CDH13: variants seen among roughly 807,000 people sequenced by gnomAD.
CDH13 encodes cadherin-13.
CDH13 carries 24 observed loss-of-function variants against 63.8 expected under a neutral mutation model. The observed-to-expected ratio is 0.38, with a 90% CI of 0.27 to 0.53. The LOEUF (loss-of-function observed/expected upper bound fraction) is 0.53, where lower values mean the gene tolerates loss of function less well. Ranked by LOEUF, CDH13 falls within the 20% of genes least tolerant of loss-of-function variation. The probability of loss-of-function intolerance (pLI) is 0.85; values close to 1 mark genes in which losing one functional copy is unlikely to be tolerated. For missense variants in CDH13, 1,049 were observed against 903.1 expected, an observed-to-expected ratio of 1.16 and a Z score of -2.07; for synonymous variants, 503 against 355.3, an observed-to-expected ratio of 1.42 and a Z score of -4.67.
chr16:83,737,532 C>T (rs529223581), intron 10 of CDH13, among the ~76,000 whole-genome samples: 32 of 151,918 alleles, frequency 2.1e-4, no homozygotes, highest in Admixed American at 5.2e-4. Context: ...GAAATATTGC[C>T]ATCCTGTAAA....
intron 1 of CDH13, among the ~76,000 whole-genome samples, chr16:82,800,571 C>G (rs925095775): frequency 3.9e-5 from 6 of 152,166 alleles, no homozygotes; most frequent in African/African-American, 1.4e-4. Context: ...GGGCTCATAA[C>G]CCATAAAAGT....
At chr16:83,784,578 G>C (rs1233909160) in intron 13 of CDH13, among the ~76,000 whole-genome samples, 1 of 146,768 alleles carries the variant, frequency 6.8e-6, no homozygotes, top group Non-Finnish European at 1.5e-5. Context: ...GTTGCAGTGA[G>C]CCAAGATCAT....
chr16:83,143,711 C>T (rs888454661), intron 4 of CDH13, among the ~76,000 whole-genome samples: 13 of 152,122 alleles, frequency 8.5e-5, no homozygotes, highest in African/African-American at 2.9e-4. Context: ...CTGGGTGCTT[C>T]GTTCTGCTCT....
At chr16:83,435,914 G>C (rs959467127) in intron 6 of CDH13, among the ~76,000 whole-genome samples, 1 of 152,206 alleles carries the variant, frequency 6.6e-6, no homozygotes, top group African/African-American at 2.4e-5. Flanking sequence ...TAGCCACTCA[G>C]TATGGGGAAT....
chr16:82,713,977 C>G (rs558158207), intron 1 of CDH13, among the ~76,000 whole-genome samples: 1 of 152,200 alleles, frequency 6.6e-6, no homozygotes, highest in African/African-American at 2.4e-5. Flanking sequence ...AAGTTTCACT[C>G]TTGTCGCCTA....
rs527276483 is a variant in CDH13 at position 83,648,944 on chromosome 16, G to A, written c.1102-21846G>A. On this transcript the variant is annotated intron_variant, in intron 8 of 13. Transcript: ENST00000567109. ...CTATCCCCAGCTCTCTAGCTTCCCC[G>A]CAACACACATACACCACCTACTATG... Among the ~76,000 whole-genome samples, 11 of 152,014 alleles carry A rather than the reference G, an allele frequency of 7.2e-5. No homozygotes were observed. In the East Asian group the frequency reaches 9.7e-4, roughly 13 times the overall value.
intron 6 of CDH13, among the ~76,000 whole-genome samples, chr16:83,383,447 C>T (rs117944688): frequency 6.6e-6 from 1 of 152,320 alleles, no homozygotes; most frequent in Non-Finnish European, 1.5e-5. Context: ...AGCCTTGACT[C>T]ACCTGCCAGT....
At chr16:83,298,064 GAAAAAGAAAAAGAA>G (rs2089645297) in intron 5 of CDH13, among the ~76,000 whole-genome samples, 3 of 141,194 alleles carry the variant, frequency 2.1e-5, no homozygotes, top group African/African-American at 7.9e-5. Context: ...AAAAAAAAAA[GAAAAAGAAAAAGAA>G]AAAAAGAAAA....
At chr16:83,148,478 G>C (rs2036844113) in intron 4 of CDH13, among the ~76,000 whole-genome samples, 1 of 152,218 alleles carries the variant, frequency 6.6e-6, no homozygotes, top group South Asian at 2.1e-4. Flanking sequence ...TCAAATCCCA[G>C]CCCTGCCATT....
At chr16:82,652,160 A>T (rs992455308) in intron 1 of CDH13, among the ~76,000 whole-genome samples, 2 of 152,252 alleles carry the variant, frequency 1.3e-5, no homozygotes, top group Non-Finnish European at 2.9e-5. Context: ...AAAAGAGGTC[A>T]TCAGATTGTA....
At chr16:82,772,980 G>A (rs2035331119) in intron 1 of CDH13, among the ~76,000 whole-genome samples, 1 of 151,872 alleles carries the variant, frequency 6.6e-6, no homozygotes, top group Non-Finnish European at 1.5e-5. Flanking sequence ...TGGTTATCAG[G>A]AAAAAAAACC....
intron 1 of CDH13, among the ~76,000 whole-genome samples, chr16:82,789,677 A>G (rs970850102): frequency 6.6e-6 from 1 of 152,218 alleles, no homozygotes; most frequent in African/African-American, 2.4e-5. Context: ...AGGGAGTGTC[A>G]AGCAATTGCT....
chr16:82,943,666 T>A (rs1862679), intron 2 of CDH13, among the ~76,000 whole-genome samples: 44,172 of 152,116 alleles, frequency 0.29, 7,550 homozygotes, highest in African/African-American at 0.47. Flanking sequence ...GCACTTATTA[T>A]GTCCAAGACA....
chr16:83,704,375 T>C (rs901228291), intron 10 of CDH13, among the ~76,000 whole-genome samples: 1 of 152,102 alleles, frequency 6.6e-6, no homozygotes, highest in African/African-American at 2.4e-5. Context: ...CCGAGATGGT[T>C]CTCCAACTCC....
At chr16:82,751,060 T>C (rs1174221031) in intron 1 of CDH13, among the ~76,000 whole-genome samples, 3 of 152,218 alleles carry the variant, frequency 2.0e-5, no homozygotes, top group Non-Finnish European at 2.9e-5. Flanking sequence ...TCCTGATCTT[T>C]CTTTTCTCTT....
intron 3 of CDH13, among the ~76,000 whole-genome samples, chr16:83,036,401 C>T (rs1597194101): frequency 6.6e-6 from 1 of 152,024 alleles, no homozygotes; most frequent in Admixed American, 6.6e-5. Context: ...CCTCCTGCCT[C>T]AGCCTCCCAA....
chr16:83,393,641 G>A (rs765116109), intron 6 of CDH13, among the ~76,000 whole-genome samples: 17 of 151,986 alleles, frequency 1.1e-4, no homozygotes, highest in South Asian at 2.1e-4. Context: ...GAATTTAATC[G>A]AATCAATCAT....
At chr16:82,868,071 T>C (rs2151183564) in intron 2 of CDH13, among the ~76,000 whole-genome samples, 1 of 152,344 alleles carries the variant, frequency 6.6e-6, no homozygotes, top group East Asian at 1.9e-4. Context: ...GACTGATTAA[T>C]TGATTAGTGA....
intron 7 of CDH13, among the ~76,000 whole-genome samples, chr16:83,496,562 A>G (rs992942470): frequency 8.5e-5 from 13 of 152,202 alleles, no homozygotes; most frequent in African/African-American, 3.1e-4. Flanking sequence ...AAAACCCTAG[A>G]AGAAAACCTA....
Sources: allele counts gnomAD v4.1 joint callset (sites outside exome capture counted in the v4.1 genomes callset), GRCh38; gene constraint gnomAD v4.1.1; transcripts MANE v1.5; gene names NCBI Gene and HGNC (gene_info 2026-07-23, HGNC 2026-07-21).